Variants in PRKAB2 observed in about 807,000 individuals in gnomAD.
PRKAB2 encodes 5'-AMP-activated protein kinase subunit beta-2.
PRKAB2 carries 18 observed loss-of-function variants against 29.8 expected under a neutral mutation model. The observed-to-expected ratio is 0.60, with a 90% confidence interval of 0.42 to 0.89. The LOEUF (loss-of-function observed/expected upper bound fraction) is 0.89, where lower values mean the gene tolerates loss of function less well. PRKAB2 is among the 40% of genes least tolerant of loss of function. The pLI is 0.00. For missense variants in PRKAB2, 270 were observed against 344.3 expected, an observed-to-expected ratio of 0.78 and a Z score of 1.71; for synonymous variants, 136 against 125.9, an observed-to-expected ratio of 1.08 and a Z score of -0.54.
In PRKAB2 at chr1:147,172,073, T is replaced by C. The variant is rs1654661901; in HGVS notation, c.72A>G (p.Ala24=). ...GCTCCTTCCCCGGGGCATGGCCGCC[T>C]GCGCCCTCGGAGCGTGCAGCCTTGG... is the stretch of plus-strand genomic sequence containing the variant. ...HGAKAARSEG[A]GGHAPGKEHK... The change falls in exon 2 of 8, where the codon GCA becomes GCG. Residue 24 remains alanine, a synonymous_variant. Transcript: ENST00000254101. The C allele has an allele frequency of 1.3e-6, 2 of 1,572,362 alleles. No homozygotes were observed. Among genetic ancestry groups the C allele is most frequent in the Non-Finnish European group, 1.7e-6 (2 of 1,159,732 alleles).
In PRKAB2 at chr1:147,158,224, C is replaced by G. The variant is rs782023431; in HGVS notation, c.*1341G>C. The G allele has an allele frequency of 6.6e-6, 1 of 152,158 alleles. No individual in the cohort carries two copies. Among genetic ancestry groups the G allele is most frequent in the African/African-American group, 2.4e-5 (1 of 41,434 alleles). The allele number at this position is 152,158 out of a possible 1,614,324, so 9.4% of individuals were successfully genotyped here. A position where few individuals can be genotyped will look rare whatever the true frequency, so the allele number is the denominator to read the frequency against. On this transcript the variant is annotated 3_prime_UTR_variant, in exon 8 of 8. Transcript: ENST00000254101. Reference sequence around the variant, plus strand: ...GAATTCAGTGACCCCACTTAATCATCAAACACCTTTAAAAAGAAGAGGCAG... The same window carrying G: ...GAATTCAGTGACCCCACTTAATCATGAAACACCTTTAAAAAGAAGAGGCAG...
intron 5 of PRKAB2, among the ~76,000 whole-genome samples, chr1:147,164,521 A>G (rs1654137104): frequency 6.6e-6 from 1 of 152,254 alleles, no homozygotes. Context: ...ATACTCTGAT[A>G]TTAAATAATA....
intron 5 of PRKAB2, among the ~76,000 whole-genome samples, chr1:147,164,995 T>C (rs1553913493): frequency 6.6e-6 from 1 of 152,204 alleles, no homozygotes; most frequent in African/African-American, 2.4e-5. Flanking sequence ...TGAGCTTATA[T>C]GATGAAAACA....
Position 147,167,712 on chromosome 1 carries a change from A to G in PRKAB2, c.323+55T>C, listed in dbSNP as rs1252636955. The stretch of plus-strand genomic sequence containing the variant: ...GTCCAGCTGGGTCTCTCTTCTGAGA[A>G]AAGAAATCAGGTCTCTATTCCTGGA... On this transcript the variant is annotated intron_variant, in intron 3 of 7. Coordinates refer to ENST00000254101, the MANE Select transcript of PRKAB2 (RefSeq NM_005399.5). The G allele has an allele frequency of 1.7e-5, 26 of 1,558,940 alleles. No homozygotes were observed. The African/African-American group carries it at 3.4e-4, about 21-fold the overall frequency.
Position 147,161,791 on chromosome 1 carries a change from G to A in PRKAB2, c.673-11C>T. 3 of 1,589,538 alleles carry A rather than the reference G, an allele frequency of 1.9e-6. No individual in the cohort carries two copies. The highest frequency in any genetic ancestry group is 1.8e-5 in the Admixed American group (1 of 55,220). On this transcript the variant is annotated splice_polypyrimidine_tract_variant and intron_variant, in intron 6 of 7. Transcript: ENST00000254101. ...TAAGGCTGGGTCACACTAAGAGAAA[G>A]AGAAAAAAATTACTAAAAAAATTAC...
At chr1:147,163,862 G>GA (rs199667663) in intron 5 of PRKAB2, among the ~76,000 whole-genome samples, 1 of 151,804 alleles carries the variant, frequency 6.6e-6, no homozygotes, top group South Asian at 2.1e-4. Flanking sequence ...TCAAAAAAAT[G>GA]AAAAAAAGTA....
intron 5 of PRKAB2, among the ~76,000 whole-genome samples, chr1:147,163,486 C>T (rs1654071859): frequency 1.3e-5 from 2 of 152,096 alleles, no homozygotes; most frequent in African/African-American, 4.8e-5. Context: ...ACAGTATGTC[C>T]ACACAATGGG....
chr1:147,171,484 T>C (rs898947396), intron 2 of PRKAB2, among the ~76,000 whole-genome samples: 5 of 152,104 alleles, frequency 3.3e-5, no homozygotes, highest in Non-Finnish European at 7.4e-5. Flanking sequence ...CTTACAGCCG[T>C]GCCAAAAGGG....
rs1653724486 is a variant in PRKAB2, at chr1:147,157,356, C to G, written c.*2209G>C. The G allele has an allele frequency of 6.6e-6, 1 of 152,126 alleles. No individual in the cohort carries two copies. The highest frequency in any genetic ancestry group is 2.4e-5 in the African/African-American group (1 of 41,412). 9.4% of individuals were successfully genotyped at this position (152,126 alleles called of 1,614,324 possible). A position where few individuals can be genotyped will look rare whatever the true frequency, so the allele number is the denominator to read the frequency against. ...GGTAGGCTCCCATTTCACATCTGGG[C>G]TGAGAGTTACCTCAGAACTTGGGAA... is the stretch of plus-strand genomic sequence containing the variant. On this transcript the variant is annotated 3_prime_UTR_variant, in exon 8 of 8. Coordinates refer to ENST00000254101, the MANE Select transcript of PRKAB2 (RefSeq NM_005399.5).
In PRKAB2 at chr1:147,172,182, G is replaced by C. The variant is rs1004701327; in HGVS notation, c.-23-15C>G. 5 of 1,521,064 alleles carry C rather than the reference G, an allele frequency of 3.3e-6. No homozygotes were observed. In the East Asian group the frequency reaches 7.4e-5, roughly 22 times the overall value. The allele number at this position is 1,521,064 out of a possible 1,614,324, so 94.2% of individuals were successfully genotyped here. On this transcript the variant is annotated splice_polypyrimidine_tract_variant and intron_variant, in intron 1 of 7. Transcript: ENST00000254101. Reference sequence around the variant, plus strand: ...TCGGGGACCACCTACCGCGGGGAACGACACCGGGCTGGGAACACCTCAGCC... The same window carrying C: ...TCGGGGACCACCTACCGCGGGGAACCACACCGGGCTGGGAACACCTCAGCC...
rs1654714534 is a variant in PRKAB2, at chr1:147,172,412, G to GC, written c.-24+16dup. 1 of 530,756 alleles carries GC rather than the reference G, an allele frequency of 1.9e-6. No individual in the cohort carries two copies. The highest frequency in any genetic ancestry group is 3.4e-5 in the East Asian group (1 of 29,342). 32.9% of individuals were successfully genotyped at this position (530,756 alleles called of 1,614,324 possible). ...CGTCCCCGCGCTCACTGCCAGGGGC[G>GC]CCCCCACTCCAGTCACCTCGGGCGA... On this transcript the variant is annotated intron_variant, in intron 1 of 7. Transcript: ENST00000254101.
chr1:147,165,036 T>C (rs781976236), intron 5 of PRKAB2, among the ~76,000 whole-genome samples: 9 of 152,210 alleles, frequency 5.9e-5, no homozygotes, highest in Admixed American at 1.3e-4. Flanking sequence ...AACAGATGAT[T>C]ACACTATTAA....
At chr1:147,167,444 A>C (rs1654304850) in intron 3 of PRKAB2, among the ~76,000 whole-genome samples, 1 of 152,260 alleles carries the variant, frequency 6.6e-6, no homozygotes, top group Admixed American at 6.5e-5. Flanking sequence ...GCTTTAGTGC[A>C]GAAGTCAGAG....
In PRKAB2 at chr1:147,161,706, A is replaced by T. The variant is rs1653971714; in HGVS notation, c.741+6T>A. 2 of 1,610,062 alleles carry T rather than the reference A, an allele frequency of 1.2e-6. No homozygotes were observed. The highest frequency in any genetic ancestry group is 2.2e-5 in the South Asian group (2 of 90,906). On this transcript the variant is annotated splice_donor_region_variant and intron_variant, in intron 7 of 7. Coordinates refer to ENST00000254101, the MANE Select transcript of PRKAB2 (RefSeq NM_005399.5). ...AGCTCTGTGAAGAGCCAGGGCCACCACTTACCTTAATGGACAATGCATAGA... is the reference window on the plus strand; with the variant it reads ...AGCTCTGTGAAGAGCCAGGGCCACCTCTTACCTTAATGGACAATGCATAGA...
At chr1:147,162,363 A>C (rs113304872) in intron 6 of PRKAB2, 77 bp downstream of exon 6, 4 of 1,383,454 alleles carry the variant, frequency 2.9e-6, no homozygotes, top group African/African-American at 2.9e-5. Flanking sequence ...AGTAATCCTA[A>C]CCTCTAGGAT....
intron 5 of PRKAB2, 51 bp from the exon 6 acceptor site, chr1:147,162,624 T>C (rs1457924422): frequency 6.5e-6 from 10 of 1,535,164 alleles, no homozygotes; most frequent in Non-Finnish European, 8.0e-6. Flanking sequence ...TTAGCAAGAA[T>C]GCATGGAAAA....
chr1:147,162,976 T>G (rs1003050379), intron 5 of PRKAB2, among the ~76,000 whole-genome samples: 1 of 152,232 alleles, frequency 6.6e-6, no homozygotes, highest in Non-Finnish European at 1.5e-5. Context: ...TAAAGATGCC[T>G]TGTAACTTTC....
At chr1:147,166,477 G>C (rs587672037) in intron 5 of PRKAB2, 21 bp downstream of exon 5, 15 of 1,610,336 alleles carry the variant, frequency 9.3e-6, no homozygotes, top group Non-Finnish European at 1.3e-5. Context: ...CAGCAAGAGA[G>C]AGTAAATAAT....
rs1553914645 is a variant in PRKAB2 at position 147,172,447 on chromosome 1, T to G, written c.-42A>C. ...CAGTCACCTCGGGCGATGCGCTCCC[T>G]CCTCCAAGGGCCACTGATGTGATGG... On this transcript the variant is annotated 5_prime_UTR_variant, in exon 1 of 8. Transcript: ENST00000254101. 1 of 479,792 alleles carries G rather than the reference T, an allele frequency of 2.1e-6. No individual in the cohort carries two copies. The highest frequency in any genetic ancestry group is 2.1e-5 in the African/African-American group (1 of 48,436). The allele number at this position is 479,792 out of a possible 1,614,324, so 29.7% of individuals were successfully genotyped here. A position where few individuals can be genotyped will look rare whatever the true frequency, so the allele number is the denominator to read the frequency against.
Sources: allele counts gnomAD v4.1 joint callset (sites outside exome capture counted in the v4.1 genomes callset), GRCh38; gene constraint gnomAD v4.1.1; transcripts MANE v1.5; gene names NCBI Gene and HGNC (gene_info 2026-07-23, HGNC 2026-07-21).